The following TCF4 variants were observed in gnomAD, a reference collection of about 807,000 sequenced individuals.
TCF4 encodes the protein transcription factor 4.
TCF4 carries 3 observed loss-of-function variants against 82.1 expected under a neutral mutation model. The ratio of observed to expected loss-of-function variants is 0.04; its 90% CI spans 0.02 to 0.09. The LOEUF is 0.09. Ranked by LOEUF, TCF4 falls within the 10% of genes least tolerant of loss-of-function variation. The probability of loss-of-function intolerance (pLI) is 1.00; values close to 1 mark genes in which losing one functional copy is unlikely to be tolerated. For missense variants in TCF4, 518 were observed against 852.7 expected (o/e 0.61, Z 4.89); for synonymous variants, 276 against 309.6 (o/e 0.89, Z 1.14).
chr18:55,618,752 ATTT>A (rs35018085), intron 2 of TCF4, among the ~76,000 whole-genome samples: 87 of 147,702 alleles, frequency 5.9e-4, no homozygotes, highest in African/African-American at 1.4e-3. Flanking sequence ...TGGCTAATTA[ATTT>A]TTTTTTTTTT....
At chr18:55,469,499 G>A (rs541403072) in intron 3 of TCF4, 1 of 152,236 alleles carries the variant, frequency 6.6e-6, no homozygotes, top group East Asian at 1.9e-4. Flanking sequence ...TGACAGATCA[G>A]TGCCAAAACA....
chr18:55,272,645 G>A (rs1299160543), intron 10 of TCF4, among the ~76,000 whole-genome samples: 1 of 151,994 alleles, frequency 6.6e-6, no homozygotes, highest in Non-Finnish European at 1.5e-5. Flanking sequence ...CATGCTTTGG[G>A]TTTGGGCAGG....
At chr18:55,307,295 T>G (rs1001452289) in intron 8 of TCF4, among the ~76,000 whole-genome samples, 3 of 152,248 alleles carry the variant, frequency 2.0e-5, no homozygotes, top group Non-Finnish European at 2.9e-5. Flanking sequence ...TATGGTCTTA[T>G]GACAAATGTC....
At chr18:55,464,234 G>A (rs1235259889) in intron 3 of TCF4, 97 bp from the exon 4 acceptor site, 7 of 1,107,848 alleles carry the variant, frequency 6.3e-6, no homozygotes, top group Non-Finnish European at 9.7e-6. Context: ...ATCTCCTGTT[G>A]CCTTTAATTA....
chr18:55,403,379 T>C, intron 6 of TCF4, 75 bp downstream of exon 6: 2 of 1,532,360 alleles, frequency 1.3e-6, no homozygotes, highest in Non-Finnish European at 9.0e-7. Context: ...TTAAAATGCA[T>C]CATCTAATTT....
chr18:55,369,331 G>GT (rs1168673836), intron 6 of TCF4, among the ~76,000 whole-genome samples: 1 of 152,174 alleles, frequency 6.6e-6, no homozygotes, highest in East Asian at 1.9e-4. Context: ...CTTTCTCAGT[G>GT]TAACAGAATT....
intron 11 of TCF4, chr18:55,266,519 G>T (rs1314837772): frequency 6.6e-6 from 1 of 152,114 alleles, no homozygotes; most frequent in Non-Finnish European, 1.5e-5. Context: ...CTAATTAGAT[G>T]ACCTTTTCAA....
chr18:55,534,738 A>G (rs1485420692), intron 3 of TCF4, among the ~76,000 whole-genome samples: 1 of 152,252 alleles, frequency 6.6e-6, no homozygotes, highest in East Asian at 1.9e-4. Flanking sequence ...AATCTACCAC[A>G]TCGGTAGCTT....
In TCF4 at chr18:55,448,421, T is replaced by C. The variant is rs543053660; in HGVS notation, c.304+12598A>G. 7.2e-5 allele frequency among the ~76,000 whole-genome samples: 11 copies of C among 152,372 alleles called. No homozygotes were observed. In the South Asian group the frequency reaches 2.3e-3, roughly 32 times the overall value. ...TACTTTACACATCCTGCTCTTTAAC[T>C]AGAACACTCAGAAAATCCATTGTAC... On this transcript the variant is annotated intron_variant, in intron 5 of 19. Coordinates refer to ENST00000354452, the MANE Select transcript of TCF4 (RefSeq NM_001083962.2).
At chr18:55,501,615 C>T (rs905559771) in intron 3 of TCF4, among the ~76,000 whole-genome samples, 1 of 151,504 alleles carries the variant, frequency 6.6e-6, no homozygotes, top group African/African-American at 2.4e-5. Context: ...ACAGATATGA[C>T]CTAAAGGGAA....
chr18:55,586,134 G>C, intron 2 of TCF4: 1 of 1,429,938 alleles, frequency 7.0e-7, no homozygotes, highest in Non-Finnish European at 9.3e-7. Flanking sequence ...AGGAGGAGGA[G>C]AAGGAGGAGG....
chr18:55,617,257 T>C (rs569581457), intron 2 of TCF4, among the ~76,000 whole-genome samples: 2 of 152,240 alleles, frequency 1.3e-5, no homozygotes, highest in East Asian at 3.9e-4. Flanking sequence ...TGTATATGCA[T>C]ACCTTTATTT....
At chr18:55,249,130 A>C (rs1737333056) in intron 15 of TCF4, among the ~76,000 whole-genome samples, 1 of 152,128 alleles carries the variant, frequency 6.6e-6, no homozygotes, top group Non-Finnish European at 1.5e-5. Flanking sequence ...AAAGAAGGGC[A>C]ATGGGCTGAT....
At position 55,388,958 on chromosome 18, in the gene TCF4, C is replaced by A. The variant is rs944572050; in HGVS notation, c.369+14496G>T. 3.3e-5 allele frequency among the ~76,000 whole-genome samples: 5 copies of A among 151,884 alleles called. No homozygotes were observed. The East Asian group carries it at 9.7e-4, about 29-fold the overall frequency. On this transcript the variant is annotated intron_variant, in intron 6 of 19. Coordinates refer to ENST00000354452, the MANE Select transcript of TCF4 (RefSeq NM_001083962.2). ...CTAACACGGTGAAACCCCATCTCTA[C>A]TAAAAATACAAAAAAAAATTAGCCG...
intron 8 of TCF4, among the ~76,000 whole-genome samples, chr18:55,329,460 T>A (rs2077142655): frequency 6.6e-6 from 1 of 152,150 alleles, no homozygotes; most frequent in South Asian, 2.1e-4. Flanking sequence ...TCTAAAAGAC[T>A]TTTTTTAAAG....
intron 6 of TCF4, among the ~76,000 whole-genome samples, chr18:55,399,479 C>G (rs904197685): frequency 2.0e-5 from 3 of 152,100 alleles, no homozygotes; most frequent in Admixed American, 6.6e-5. Context: ...GAGGTTAAAG[C>G]CTTGGACTTC....
intron 5 of TCF4, among the ~76,000 whole-genome samples, chr18:55,446,597 T>C (rs1432975539): frequency 6.6e-6 from 1 of 152,188 alleles, no homozygotes; most frequent in Non-Finnish European, 1.5e-5. Context: ...AAAATGGTAA[T>C]GACAATGTCT....
At chr18:55,621,930 T>C (rs1254189488) in intron 2 of TCF4, among the ~76,000 whole-genome samples, 2 of 26,464 alleles carry the variant, frequency 7.6e-5, no homozygotes, top group Non-Finnish European at 1.2e-4. Flanking sequence ...ATACACTATA[T>C]ACTATATATA....
chr18:55,316,104 T>C lies in TCF4; in HGVS notation c.549+34255A>G, dbSNP rs547305878. On this transcript the variant is annotated intron_variant, in intron 8 of 19. Coordinates refer to ENST00000354452, the MANE Select transcript of TCF4 (RefSeq NM_001083962.2). ...AAACTATGTTGACTGTGAAAGATTA[T>C]TTATTTTGTAACTCTGATAATATTG... Among the ~76,000 whole-genome samples the C allele has an allele frequency of 7.9e-5, 12 of 152,198 alleles. No homozygotes were observed. In the East Asian group the frequency reaches 2.3e-3, roughly 29 times the overall value.
Sources: allele counts gnomAD v4.1 joint callset (sites outside exome capture counted in the v4.1 genomes callset), GRCh38; gene constraint gnomAD v4.1.1; transcripts MANE v1.5; gene names NCBI Gene and HGNC (gene_info 2026-07-23, HGNC 2026-07-21).